Variants in MCPH1 observed in about 807,000 individuals in gnomAD.
MCPH1 encodes microcephalin.
Under a neutral mutation model 84.5 loss-of-function variants are expected in MCPH1, and 104 were observed. That is an observed-to-expected ratio of 1.23 (90% CI 1.05 to 1.45). The LOEUF (loss-of-function observed/expected upper bound fraction) is 1.45. Among genes scored for constraint, MCPH1 ranks in the 40% most tolerant of loss-of-function variants. The pLI, the probability that MCPH1 is intolerant of heterozygous loss-of-function variation, is 0.00. For synonymous variants in MCPH1, 514 were observed against 366.8 expected (o/e 1.40, Z -4.58); for missense variants, 1,498 against 1,005.7 (o/e 1.49, Z -6.62).
Position 6,438,952 on chromosome 8 carries a change from G to C in MCPH1, c.437-1G>C. Reference sequence around the variant, plus strand: ...AAAGTGGATTTTTTGTTTATTTTCAGATGATGATGTACCTATTCTCTTATT... The same window carrying C: ...AAAGTGGATTTTTTGTTTATTTTCACATGATGATGTACCTATTCTCTTATT... On this transcript the variant is annotated splice_acceptor_variant, in intron 5 of 13. Coordinates refer to ENST00000344683, the MANE Select transcript of MCPH1 (RefSeq NM_024596.5). LOFTEE classifies it high-confidence loss of function. The C allele has an allele frequency of 6.2e-7, 1 of 1,611,672 alleles. No homozygotes were observed. The highest frequency in any genetic ancestry group is 1.3e-5 in the African/African-American group (1 of 74,958).
intron 12 of MCPH1, among the ~76,000 whole-genome samples, chr8:6,604,048 GCA>G (rs1168891083): frequency 2.0e-5 from 3 of 147,550 alleles, no homozygotes; most frequent in African/African-American, 7.5e-5. Flanking sequence ...CCTTTGATCC[GCA>G]CACACACCCT....
intron 12 of MCPH1, among the ~76,000 whole-genome samples, chr8:6,516,756 C>G (rs778165369): frequency 6.6e-6 from 1 of 152,128 alleles, no homozygotes; most frequent in Non-Finnish European, 1.5e-5. Context: ...GTGAGCCTAT[C>G]CTTGTTCCAA....
chr8:6,513,565 C>T (rs1210842802), intron 12 of MCPH1: 3 of 699,856 alleles, frequency 4.3e-6, no homozygotes, highest in South Asian at 2.2e-5. Context: ...AATCTCCTGA[C>T]CTCGTGATCT....
At chr8:6,422,627 C>G (rs1030597681) in intron 3 of MCPH1, among the ~76,000 whole-genome samples, 3 of 152,192 alleles carry the variant, frequency 2.0e-5, no homozygotes, top group Admixed American at 6.5e-5. Flanking sequence ...CTAACCCCAG[C>G]CTTTCTCAAG....
intron 12 of MCPH1, among the ~76,000 whole-genome samples, chr8:6,506,525 C>A (rs927330451): frequency 4.6e-5 from 7 of 152,178 alleles, no homozygotes; most frequent in African/African-American, 1.7e-4. Context: ...ACACCCTTCT[C>A]AAGGAGAGAG....
chr8:6,501,782 C>A (rs1180169195), intron 12 of MCPH1: 1 of 152,002 alleles, frequency 6.6e-6, no homozygotes, highest in Non-Finnish European at 1.5e-5. Context: ...GTCTTGAACT[C>A]CTGACCTCAG....
chr8:6,617,851 A>ATGTC (rs765859701), intron 12 of MCPH1, among the ~76,000 whole-genome samples: 62 of 151,348 alleles, frequency 4.1e-4, no homozygotes, highest in Non-Finnish European at 6.5e-4. Context: ...TTGCTTATCT[A>ATGTC]TGTCTGTCTG....
intron 8 of MCPH1, among the ~76,000 whole-genome samples, chr8:6,454,120 T>A (rs1805411728): frequency 2.0e-5 from 3 of 152,226 alleles, no homozygotes; most frequent in African/African-American, 7.2e-5. Flanking sequence ...GAAGTCTTTC[T>A]CATGTTATAT....
rs750493738 is a variant in MCPH1, at chr8:6,496,194, A to C, written c.2137-3658A>C. Among the ~76,000 whole-genome samples the C allele has an allele frequency of 1.5e-4, 23 of 152,196 alleles. 1 individual carries two copies. The highest frequency in any genetic ancestry group is 2.8e-4 in the Non-Finnish European group (19 of 68,034). On this transcript the variant is annotated intron_variant, in intron 11 of 13. Coordinates refer to ENST00000344683, the MANE Select transcript of MCPH1 (RefSeq NM_024596.5). The stretch of plus-strand genomic sequence containing the variant: ...GTCCCATCGGGGGGTGACGAGAGAC[A>C]GTGACAGATCATCAGGCGTTAGATT...
At chr8:6,589,143 A>G (rs978473943) in intron 12 of MCPH1, among the ~76,000 whole-genome samples, 7 of 152,246 alleles carry the variant, frequency 4.6e-5, no homozygotes, top group Non-Finnish European at 1.0e-4. Context: ...CGGGGAAGAC[A>G]GTTTTTTTCT....
intron 13 of MCPH1, among the ~76,000 whole-genome samples, chr8:6,639,516 AG>A (rs1797786029): frequency 6.6e-6 from 1 of 152,132 alleles, no homozygotes; most frequent in Non-Finnish European, 1.5e-5. Flanking sequence ...TTTTAAAAGT[AG>A]CCTGGTGTCA....
chr8:6,509,659 A>C (rs180896344), intron 12 of MCPH1, among the ~76,000 whole-genome samples: 8 of 152,222 alleles, frequency 5.3e-5, no homozygotes, highest in Non-Finnish European at 1.0e-4. Flanking sequence ...ACTATTTACA[A>C]TACAGACGAT....
At chr8:6,412,826 G>C (rs1294239245) in intron 2 of MCPH1, among the ~76,000 whole-genome samples, 1 of 152,124 alleles carries the variant, frequency 6.6e-6, no homozygotes, top group East Asian at 1.9e-4. Flanking sequence ...GAAATTGAGA[G>C]AGAGAGAGAG....
chr8:6,471,995 A>G (rs924712027), intron 9 of MCPH1, among the ~76,000 whole-genome samples: 5 of 152,222 alleles, frequency 3.3e-5, no homozygotes, highest in African/African-American at 1.2e-4. Flanking sequence ...AGTATTGGCA[A>G]CTGATAAGTA....
chr8:6,592,906 A>T (rs1425605722), intron 12 of MCPH1, among the ~76,000 whole-genome samples: 2 of 146,070 alleles, frequency 1.4e-5, no homozygotes, highest in Non-Finnish European at 1.5e-5. Flanking sequence ...AGCTCAAGTG[A>T]TTTGCCTGCC....
chr8:6,464,929 G>C (rs978303093), intron 9 of MCPH1, among the ~76,000 whole-genome samples: 1 of 152,062 alleles, frequency 6.6e-6, no homozygotes, highest in Non-Finnish European at 1.5e-5. Flanking sequence ...AACCCAGGAG[G>C]TAGAGGTTGC....
chr8:6,610,686 A>G (rs1830179192), intron 12 of MCPH1, among the ~76,000 whole-genome samples: 1 of 152,086 alleles, frequency 6.6e-6, no homozygotes, highest in South Asian at 2.1e-4. Context: ...CCACTTCCAA[A>G]AGAAGGATGC....
rs548405390 is a variant in MCPH1, at chr8:6,416,189, G to A, written c.233+1306G>A. Among the ~76,000 whole-genome samples the A allele has an allele frequency of 3.0e-4, 45 of 152,210 alleles. 1 individual carries two copies. The South Asian group carries it at 9.1e-3, about 31-fold the overall frequency. On this transcript the variant is annotated intron_variant, in intron 3 of 13. Coordinates refer to ENST00000344683, the MANE Select transcript of MCPH1 (RefSeq NM_024596.5). ...TTATTAGTTCTAAATATATTTGTGG[G>A]TTCCTTAGCATTTTCTATATGCAAT...
chr8:6,409,455 T>C (rs1485031369), intron 2 of MCPH1, 85 bp downstream of exon 2: 9 of 1,157,110 alleles, frequency 7.8e-6, no homozygotes, highest in African/African-American at 1.5e-5. Flanking sequence ...TTTTGGGAGT[T>C]TTTACTTAGA....
Sources: allele counts gnomAD v4.1 joint callset (sites outside exome capture counted in the v4.1 genomes callset), GRCh38; gene constraint gnomAD v4.1.1; transcripts MANE v1.5; gene names NCBI Gene and HGNC (gene_info 2026-07-23, HGNC 2026-07-21).